STK17A: variants seen among roughly 807,000 people sequenced by gnomAD.
The protein encoded by STK17A is serine/threonine-protein kinase 17A.
In STK17A, 26 loss-of-function variants were observed where a neutral mutation model predicts 43.7. The ratio of observed to expected loss-of-function variants is 0.60; its 90% CI spans 0.44 to 0.83. The LOEUF (loss-of-function observed/expected upper bound fraction) is 0.83. Among genes scored for constraint, STK17A ranks in the 40% least tolerant of loss-of-function variants. The pLI, the probability that STK17A is intolerant of heterozygous loss-of-function variation, is 0.00. For synonymous variants in STK17A, 191 were observed against 182.5 expected, an observed-to-expected ratio of 1.05 and a Z score of -0.38; for missense variants, 476 against 511.6, an observed-to-expected ratio of 0.93 and a Z score of 0.67.
chr7:43,601,431 G>A (rs894958144), intron 2 of STK17A, among the ~76,000 whole-genome samples: 13 of 152,146 alleles, frequency 8.5e-5, no homozygotes, highest in African/African-American at 1.9e-4. Flanking sequence ...ATGGGAGCCC[G>A]CTGCTTACCA....
At chr7:43,591,075 T>G (rs560243175) in intron 1 of STK17A, among the ~76,000 whole-genome samples, 1 of 151,568 alleles carries the variant, frequency 6.6e-6, no homozygotes, top group South Asian at 2.1e-4. Flanking sequence ...CACCAGTCAT[T>G]TAGAGATGAA....
chr7:43,602,084 T>C (rs1349651789), intron 2 of STK17A, among the ~76,000 whole-genome samples: 1 of 152,226 alleles, frequency 6.6e-6, no homozygotes, highest in Non-Finnish European at 1.5e-5. Context: ...CCTTCCCTGC[T>C]GTTCAATGGA....
chr7:43,627,361 TAAAGGGTTATAAAGATCACTTAGA>T (rs2084674971), exon 7 of STK17A, among the ~76,000 whole-genome samples: 1 of 152,184 alleles, frequency 6.6e-6, no homozygotes, highest in African/African-American at 2.4e-5. Context: ...AAAAATGTAT[TAAAGGGTTATAAAGATCACTTAGA>T]GAATGTGAGA....
chr7:43,588,226 AC>A (rs1310340048), intron 1 of STK17A, among the ~76,000 whole-genome samples: 1 of 151,510 alleles, frequency 6.6e-6, no homozygotes, highest in Non-Finnish European at 1.5e-5. Flanking sequence ...AAAAATAGCC[AC>A]TGATTATTGA....
rs751362334 is a variant in STK17A at position 43,623,591 on chromosome 7, T to C, written c.711T>C (p.Tyr237=). 5 of 1,610,356 alleles carry C rather than the reference T, an allele frequency of 3.1e-6. No homozygotes were observed. The Admixed American group carries it at 8.4e-5, about 27-fold the overall frequency. The change falls in exon 5 of 7, where the codon TAT becomes TAC. Residue 237 remains tyrosine (Y), a synonymous_variant. Transcript: ENST00000319357. ...TACTAGCTCCTGAAATTCTTAGTTA[T>C]GATCCTATAAGCATGGCAACAGATA... ...PEYVAPEILS[Y]DPISMATDMW...
At chr7:43,612,000 C>T (rs1463786010) in intron 3 of STK17A, among the ~76,000 whole-genome samples, 2 of 152,186 alleles carry the variant, frequency 1.3e-5, no homozygotes, top group African/African-American at 4.8e-5. Context: ...ATATTAAGTT[C>T]TTGAATACCA....
chr7:43,584,903 A>G (rs2082428157), intron 1 of STK17A, among the ~76,000 whole-genome samples: 2 of 152,254 alleles, frequency 1.3e-5, no homozygotes, highest in South Asian at 4.1e-4. Context: ...ATTACCTGAA[A>G]AAAGGAAAAC....
chr7:43,592,146 A>C (rs1563143548), intron 1 of STK17A, among the ~76,000 whole-genome samples: 1 of 151,676 alleles, frequency 6.6e-6, no homozygotes, highest in Admixed American at 6.6e-5. Flanking sequence ...TGAAAATATC[A>C]AATTAATAAC....
chr7:43,617,617 T>C (rs1275136538), intron 3 of STK17A, among the ~76,000 whole-genome samples: 5 of 152,050 alleles, frequency 3.3e-5, no homozygotes, highest in African/African-American at 1.2e-4. Context: ...TAGGAGTCTG[T>C]TTTTGGTCAT....
At chr7:43,615,492 AGTATT>A (rs1243291927) in intron 3 of STK17A, among the ~76,000 whole-genome samples, 1 of 146,206 alleles carries the variant, frequency 6.8e-6, no homozygotes, top group Non-Finnish European at 1.6e-5. Flanking sequence ...GTTGTACTAT[AGTATT>A]TTATTAACAT....
intron 3 of STK17A, among the ~76,000 whole-genome samples, chr7:43,614,944 A>C (rs1157701095): frequency 6.6e-6 from 1 of 152,244 alleles, no homozygotes; most frequent in African/African-American, 2.4e-5. Context: ...AACTATTTTA[A>C]GGGAACAAAT....
intron 1 of STK17A, among the ~76,000 whole-genome samples, chr7:43,584,240 G>A (rs180836148): frequency 6.6e-6 from 1 of 152,278 alleles, no homozygotes. Context: ...TTTTTGTGGG[G>A]TTTGGCGACT....
intron 4 of STK17A, among the ~76,000 whole-genome samples, chr7:43,620,698 A>G (rs763997900): frequency 2.0e-5 from 3 of 152,014 alleles, no homozygotes; most frequent in Non-Finnish European, 4.4e-5. Context: ...GAATATTAAT[A>G]TTTAAAATTT....
intron 3 of STK17A, 86 bp from the exon 4 acceptor site, chr7:43,619,511 A>G (rs1307746535): frequency 1.3e-6 from 2 of 1,484,768 alleles, no homozygotes; most frequent in South Asian, 1.3e-5. Flanking sequence ...TCTCAGTTTC[A>G]TAGGTGAAAT....
chr7:43,603,037 T>C (rs962525468), intron 2 of STK17A, among the ~76,000 whole-genome samples: 2 of 152,208 alleles, frequency 1.3e-5, no homozygotes, highest in African/African-American at 4.8e-5. Context: ...TTAACACTCC[T>C]ATACAGTATA....
At chr7:43,592,288 T>C (rs1276921668) in intron 1 of STK17A, among the ~76,000 whole-genome samples, 1 of 151,564 alleles carries the variant, frequency 6.6e-6, no homozygotes, top group Non-Finnish European at 1.5e-5. Flanking sequence ...CATTTATAGT[T>C]ACTCTCTCCC....
intron 1 of STK17A, among the ~76,000 whole-genome samples, chr7:43,592,684 T>C (rs1428140291): frequency 1.6e-5 from 2 of 127,800 alleles, no homozygotes; most frequent in African/African-American, 3.0e-5. Flanking sequence ...ACCCCATCTG[T>C]ACTAAAAAAA....
chr7:43,597,561 A>AT (rs1021521461), intron 2 of STK17A, among the ~76,000 whole-genome samples: 6 of 151,698 alleles, frequency 4.0e-5, no homozygotes, highest in African/African-American at 9.7e-5. Flanking sequence ...AATTTTTTGT[A>AT]TTTTTTTTAG....
rs77685920 is a variant in STK17A, at chr7:43,599,280, A to G, written c.419+3167A>G. Among the ~76,000 whole-genome samples, 1,057 of 152,360 alleles carry G rather than the reference A, an allele frequency of 6.9e-3. 19 individuals are homozygous for G. The highest frequency in any genetic ancestry group is 0.024 in the African/African-American group (998 of 41,576). ...GTTGTACATGATTGAATAATTTGGC[A>G]GGAAAGAGTTCTTAGATTTTTCACC... is the stretch of plus-strand genomic sequence containing the variant. On this transcript the variant is annotated intron_variant, in intron 2 of 6. Transcript: ENST00000319357.
Sources: allele counts gnomAD v4.1 joint callset (sites outside exome capture counted in the v4.1 genomes callset), GRCh38; gene constraint gnomAD v4.1.1; transcripts MANE v1.5; gene names NCBI Gene and HGNC (gene_info 2026-07-23, HGNC 2026-07-21).